ZRANB3: variants seen among roughly 807,000 people sequenced by gnomAD.
ZRANB3 encodes zinc finger RANBP2-type containing 3, also known as DNA annealing helicase and endonuclease ZRANB3.
In ZRANB3, 125 loss-of-function variants were observed where a neutral mutation model predicts 133.8. The ratio of observed to expected loss-of-function variants is 0.93; its 90% CI spans 0.81 to 1.08. The LOEUF is 1.08. Ranked by LOEUF, ZRANB3 falls within the 50% of genes least tolerant of loss-of-function variation. The pLI is 0.00. For missense variants in ZRANB3, 1,229 were observed against 1,275.5 expected (o/e 0.96, Z 0.56); for synonymous variants, 387 against 432.7 (o/e 0.89, Z 1.31).
intron 6 of ZRANB3, among the ~76,000 whole-genome samples, chr2:135,334,480 G>C (rs1487645359): frequency 1.3e-5 from 2 of 151,938 alleles, no homozygotes; most frequent in Admixed American, 1.3e-4. Flanking sequence ...TCTCAGATTC[G>C]AACCATTTGC....
At chr2:135,360,432 C>T (rs894230002) in intron 3 of ZRANB3, among the ~76,000 whole-genome samples, 2 of 150,732 alleles carry the variant, frequency 1.3e-5, no homozygotes, top group Non-Finnish European at 1.5e-5. Flanking sequence ...TTTGGCTGGG[C>T]ACGGTGGCTC....
intron 2 of ZRANB3, among the ~76,000 whole-genome samples, chr2:135,468,939 A>G (rs1353170541): frequency 6.6e-6 from 1 of 152,154 alleles, no homozygotes; most frequent in Non-Finnish European, 1.5e-5. Flanking sequence ...TCAACCTACT[A>G]TTTGCATACA....
chr2:135,217,849 G>A (rs909902134), intron 16 of ZRANB3, among the ~76,000 whole-genome samples: 2 of 151,960 alleles, frequency 1.3e-5, no homozygotes, highest in African/African-American at 4.8e-5. Context: ...TTGCTCTGTT[G>A]TCCAGGCTGG....
chr2:135,334,579 A>G (rs994512560), intron 6 of ZRANB3, among the ~76,000 whole-genome samples: 1 of 152,118 alleles, frequency 6.6e-6, no homozygotes, highest in African/African-American at 2.4e-5. Context: ...GTGCAATTCC[A>G]TGAGAGACAT....
intron 12 of ZRANB3, among the ~76,000 whole-genome samples, chr2:135,252,981 C>T (rs1271583232): frequency 6.6e-6 from 1 of 152,194 alleles, no homozygotes; most frequent in African/African-American, 2.4e-5. Flanking sequence ...GTCACTACCA[C>T]TATTAGGAAT....
intron 1 of ZRANB3, among the ~76,000 whole-genome samples, chr2:135,527,346 G>C (rs780878403): frequency 2.0e-5 from 3 of 152,130 alleles, no homozygotes; most frequent in Non-Finnish European, 4.4e-5. Context: ...ATCACTCGAG[G>C]TCAGGAGTTC....
intron 2 of ZRANB3, among the ~76,000 whole-genome samples, chr2:135,444,204 A>G (rs1461683144): frequency 6.6e-6 from 1 of 152,150 alleles, no homozygotes; most frequent in African/African-American, 2.4e-5. Context: ...TTAGAAAACT[A>G]CTTGGCATTG....
At chr2:135,305,450 A>T (rs1682634758) in intron 8 of ZRANB3, among the ~76,000 whole-genome samples, 1 of 152,256 alleles carries the variant, frequency 6.6e-6, no homozygotes, top group African/African-American at 2.4e-5. Flanking sequence ...AAAACAATCC[A>T]TTCAGCCAGT....
At chr2:135,463,975 G>A (rs746148121) in intron 2 of ZRANB3, among the ~76,000 whole-genome samples, 17 of 152,060 alleles carry the variant, frequency 1.1e-4, no homozygotes, top group Non-Finnish European at 2.1e-4. Context: ...AGTCTGTATC[G>A]TCTGTGGAAG....
Position 135,345,635 on chromosome 2 carries a change from G to A in ZRANB3, c.592C>T (p.Leu198Phe). The A allele has an allele frequency of 6.3e-7, 1 of 1,599,380 alleles. No homozygotes were observed. Among genetic ancestry groups the A allele is most frequent in the Non-Finnish European group, 8.6e-7 (1 of 1,169,516 alleles). The change falls in exon 6 of 21, where the codon CTT (leucine) becomes TTT (phenylalanine). Residue 198 changes from leucine (L) to phenylalanine (F), a missense_variant and splice_region_variant. Coordinates refer to ENST00000264159, the MANE Select transcript of ZRANB3 (RefSeq NM_032143.4). ...AAGAGAGCTTCAATCTGCATAAAAA[G>A]CTATAATAATACAAGTGTTTGTAGT... ...GTPALGRPEELFMQIEALFPQ... is the reference protein window; with the variant it reads ...GTPALGRPEEFFMQIEALFPQ...
rs185449479 is a variant in ZRANB3 at position 135,436,963 on chromosome 2, C to T, written c.162-46143G>A. 1.2e-4 allele frequency among the ~76,000 whole-genome samples: 19 copies of T among 152,178 alleles called. No homozygotes were observed. In the East Asian group the frequency reaches 3.3e-3, roughly 26 times the overall value. On this transcript the variant is annotated intron_variant, in intron 2 of 20. Transcript: ENST00000264159. ...TCAATACTAGAATGGATAAATTGTG[C>T]CATATTCTTTTTTTGAGACGGAGTC...
chr2:135,522,329 C>T (rs889036993), intron 1 of ZRANB3, among the ~76,000 whole-genome samples: 56 of 152,188 alleles, frequency 3.7e-4, no homozygotes, highest in African/African-American at 1.3e-3. Context: ...TGGAGGCCAA[C>T]AGCTTGAGGC....
At chr2:135,381,967 C>T (rs1399986992) in intron 3 of ZRANB3, among the ~76,000 whole-genome samples, 2 of 152,208 alleles carry the variant, frequency 1.3e-5, no homozygotes, top group Non-Finnish European at 1.5e-5. Flanking sequence ...CAGCCCCTCA[C>T]CAGCAACAGA....
chr2:135,412,128 G>T (rs1411662121), intron 2 of ZRANB3, among the ~76,000 whole-genome samples: 1 of 152,010 alleles, frequency 6.6e-6, no homozygotes, highest in Admixed American at 6.6e-5. Context: ...AAAAATTTTT[G>T]ATATATACTT....
chr2:135,528,667 T>G (rs1694264653), intron 1 of ZRANB3, among the ~76,000 whole-genome samples: 1 of 152,040 alleles, frequency 6.6e-6, no homozygotes, highest in African/African-American at 2.4e-5. Context: ...AAACTAAGCA[T>G]CTACAGTAGA....
intron 2 of ZRANB3, among the ~76,000 whole-genome samples, chr2:135,425,874 A>C (rs1574084909): frequency 6.6e-6 from 1 of 152,108 alleles, no homozygotes; most frequent in Admixed American, 6.5e-5. Context: ...TGAGATACGA[A>C]AAAAAAACCA....
chr2:135,277,839 C>A (rs1007845853), intron 8 of ZRANB3, among the ~76,000 whole-genome samples: 5 of 150,976 alleles, frequency 3.3e-5, no homozygotes, highest in African/African-American at 1.2e-4. Flanking sequence ...GCAGGAGAAT[C>A]GCTTGAACCT....
Position 135,207,195 on chromosome 2 carries a change from A to AAAT in ZRANB3, c.3009+236_3009+238dup, listed in dbSNP as rs1396378687. ...ATAAATAAATAAATAAATAAATAAT[A>AAAT]AATAAATAAATAAATAAATAAAATA... On this transcript the variant is annotated intron_variant, in intron 19 of 20. Coordinates refer to ENST00000264159, the MANE Select transcript of ZRANB3 (RefSeq NM_032143.4). Among the ~76,000 whole-genome samples the AAAT allele has an allele frequency of 1.9e-4, 27 of 141,794 alleles. No individual in the cohort carries two copies. In the South Asian group the frequency reaches 3.5e-3, roughly 18 times the overall value. The allele number at this position is 141,794 out of a possible 152,430, so 93.0% of individuals were successfully genotyped here.
At chr2:135,527,963 C>T (rs905976907) in intron 1 of ZRANB3, among the ~76,000 whole-genome samples, 3 of 152,174 alleles carry the variant, frequency 2.0e-5, no homozygotes, top group Non-Finnish European at 4.4e-5. Flanking sequence ...CCACCATTGG[C>T]TCCAGAATCC....
Sources: allele counts gnomAD v4.1 joint callset (sites outside exome capture counted in the v4.1 genomes callset), GRCh38; gene constraint gnomAD v4.1.1; transcripts MANE v1.5; gene names NCBI Gene and HGNC (gene_info 2026-07-23, HGNC 2026-07-21).